Variants in COG6 observed in about 807,000 individuals in gnomAD.
The protein encoded by COG6 is component of oligomeric golgi complex 6.
In COG6, 74 loss-of-function variants were observed where a neutral mutation model predicts 88.8. The ratio of observed to expected loss-of-function variants is 0.83; its 90% CI spans 0.69 to 1.01. The LOEUF is 1.01. Among genes scored for constraint, COG6 ranks in the 50% least tolerant of loss-of-function variants. COG6 has a pLI of 0.00. For synonymous variants in COG6, 286 were observed against 278.7 expected (o/e 1.03, Z -0.26); for missense variants, 800 against 797.9 (o/e 1.00, Z -0.03).
chr13:39,658,720 A>G (rs1874692485), intron 1 of COG6, among the ~76,000 whole-genome samples: 1 of 152,110 alleles, frequency 6.6e-6, no homozygotes. Flanking sequence ...CTGTCTGTGG[A>G]AGGCTTTGTC....
intron 12 of COG6, among the ~76,000 whole-genome samples, chr13:39,698,187 A>C (rs1464631902): frequency 1.3e-5 from 2 of 151,952 alleles, no homozygotes; most frequent in Non-Finnish European, 2.9e-5. Flanking sequence ...ATTAAAAAAA[A>C]AAATGAATGT....
At chr13:39,657,052 CAG>C (rs1321216027) in intron 1 of COG6, among the ~76,000 whole-genome samples, 4 of 152,094 alleles carry the variant, frequency 2.6e-5, no homozygotes, top group Admixed American at 2.6e-4. Flanking sequence ...CTTTTTTGGA[CAG>C]AGTTTTGCTC....
Position 39,752,131 on chromosome 13 carries a change from T to A in COG6, c.*1038T>A. On this transcript the variant is annotated 3_prime_UTR_variant, in exon 19 of 19. Transcript: ENST00000455146. ...AGGAATAAATCCCAGTGTGCCTGAT[T>A]TGACATTCTTGTCAGCAAAAAAAAA... is the stretch of plus-strand genomic sequence containing the variant. 8.1e-7 allele frequency: 1 copy of A among 1,239,372 alleles called. No individual in the cohort carries two copies. Among genetic ancestry groups the A allele is most frequent in the Non-Finnish European group, 1.0e-6 (1 of 963,726 alleles). The allele number at this position is 1,239,372 out of a possible 1,614,324, so 76.8% of individuals were successfully genotyped here.
chr13:39,687,821 C>G lies in COG6; in HGVS notation c.1009+22C>G, dbSNP rs369081716. Reference sequence around the variant, plus strand: ...CAAGGTGGGTCCACCAATTGTATTGCTAATGCCTAAATATAGAAAATAACA... The same window carrying G: ...CAAGGTGGGTCCACCAATTGTATTGGTAATGCCTAAATATAGAAAATAACA... On this transcript the variant is annotated intron_variant, in intron 10 of 18. Transcript: ENST00000455146. 4.7e-6 allele frequency: 7 copies of G among 1,473,812 alleles called. No homozygotes were observed. In the African/African-American group the frequency reaches 5.6e-5, roughly 12 times the overall value. 91.3% of individuals were successfully genotyped at this position (1,473,812 alleles called of 1,614,324 possible). A position where few individuals can be genotyped will look rare whatever the true frequency, so the allele number is the denominator to read the frequency against.
chr13:39,691,791 A>G (rs979741688), intron 11 of COG6, among the ~76,000 whole-genome samples: 4 of 151,866 alleles, frequency 2.6e-5, no homozygotes, highest in Non-Finnish European at 5.9e-5. Flanking sequence ...TAATTCTGAA[A>G]TTTTCTAGTG....
At chr13:39,691,269 C>A (rs1210590768) in intron 11 of COG6, among the ~76,000 whole-genome samples, 1 of 151,808 alleles carries the variant, frequency 6.6e-6, no homozygotes, top group African/African-American at 2.4e-5. Context: ...ACTAATCCAG[C>A]CACTTGTATA....
At chr13:39,762,191 A>G (rs1881036619) in intron 18 of COG6, among the ~76,000 whole-genome samples, 1 of 151,974 alleles carries the variant, frequency 6.6e-6, no homozygotes, top group South Asian at 2.1e-4. Context: ...CATAAAAAAT[A>G]ACAAAATTAT....
At chr13:39,670,688 A>G (rs542657930) in intron 4 of COG6, among the ~76,000 whole-genome samples, 2 of 152,154 alleles carry the variant, frequency 1.3e-5, no homozygotes, top group South Asian at 4.1e-4. Context: ...AAAGAAATCT[A>G]TGTCACTCAT....
chr13:39,682,743 A>G (rs745526525), intron 8 of COG6, among the ~76,000 whole-genome samples: 106 of 152,096 alleles, frequency 7.0e-4, no homozygotes, highest in Non-Finnish European at 1.4e-3. Flanking sequence ...AACAAGAGCT[A>G]TGTGGTAATG....
In COG6 at chr13:39,665,146, A is replaced by G. The variant is rs763877999; in HGVS notation, c.420A>G (p.Gln140=). Residue 140 remains glutamine (Q), a synonymous_variant, in exon 4 of 19, where the codon CAA becomes CAG. Coordinates refer to ENST00000455146, the MANE Select transcript of COG6 (RefSeq NM_020751.3). ...TAATAGTAAAAACCACTAAGCTTCAATCTGAAAGGTAAGTTTTTCTTCATA... is the reference window on the plus strand; with the variant it reads ...TAATAGTAAAAACCACTAAGCTTCAGTCTGAAAGGTAAGTTTTTCTTCATA... ...QDLIVKTTKL[Q]SESQKLEIRA... 2 of 1,533,644 alleles carry G rather than the reference A, an allele frequency of 1.3e-6. No homozygotes were observed. The highest frequency in any genetic ancestry group is 1.1e-5 in the South Asian group (1 of 88,830).
chr13:39,688,627 G>A (rs922787487), intron 10 of COG6, among the ~76,000 whole-genome samples: 2 of 151,988 alleles, frequency 1.3e-5, no homozygotes, highest in African/African-American at 4.8e-5. Context: ...CCGACATTGG[G>A]GATTACATTT....
chr13:39,683,475 A>G (rs1185498036), intron 8 of COG6, among the ~76,000 whole-genome samples: 1 of 152,212 alleles, frequency 6.6e-6, no homozygotes, highest in Non-Finnish European at 1.5e-5. Flanking sequence ...AATTAATTGT[A>G]AAAGCTTGCA....
chr13:39,707,759 T>TTA (rs1392498369), intron 13 of COG6, among the ~76,000 whole-genome samples: 3 of 152,182 alleles, frequency 2.0e-5, no homozygotes, highest in Non-Finnish European at 4.4e-5. Flanking sequence ...AGTAATTTCA[T>TTA]TATATATATT....
At chr13:39,761,598 C>A (rs755624730) in intron 18 of COG6, among the ~76,000 whole-genome samples, 1 of 151,740 alleles carries the variant, frequency 6.6e-6, no homozygotes, top group African/African-American at 2.4e-5. Flanking sequence ...GAAGAGACAA[C>A]CTTCAGAAGA....
chr13:39,691,775 C>T (rs916916917), intron 11 of COG6, among the ~76,000 whole-genome samples: 1 of 151,640 alleles, frequency 6.6e-6, no homozygotes, highest in Admixed American at 6.6e-5. Context: ...TTTTTTTTTG[C>T]AATTATAATT....
chr13:39,661,454 G>A (rs943340270), intron 3 of COG6, among the ~76,000 whole-genome samples: 17 of 152,102 alleles, frequency 1.1e-4, no homozygotes, highest in Non-Finnish European at 2.2e-4. Context: ...TTTTAACAGC[G>A]AATTTATATC....
At chr13:39,684,043 A>T (rs1876478856) in intron 8 of COG6, among the ~76,000 whole-genome samples, 1 of 152,124 alleles carries the variant, frequency 6.6e-6, no homozygotes. Context: ...TGCTTGGTAC[A>T]TCACTAAATT....
rs539968061 is a variant in COG6 at position 39,750,771 on chromosome 13, A to T, written c.1827-175A>T. Among the ~76,000 whole-genome samples, 8 of 152,330 alleles carry T rather than the reference A, an allele frequency of 5.3e-5. No individual in the cohort carries two copies. In the South Asian group the frequency reaches 1.7e-3, roughly 32 times the overall value. On this transcript the variant is annotated intron_variant, in intron 18 of 18. Transcript: ENST00000455146. ...TTTAATAAATAATGAATACAAAATT[A>T]TATTTTATCCCAAAATTAGGATTAA... is the stretch of plus-strand genomic sequence containing the variant.
chr13:39,679,980 A>G lies in COG6; in HGVS notation c.629A>G (p.Glu210Gly). The change falls in exon 7 of 19, where the codon GAA becomes GGA. Residue 210 changes from glutamate (E) to glycine (G), a missense_variant. Physicochemically the swap from Glu to Gly is moderately conservative, Grantham distance 98. Coordinates refer to ENST00000455146, the MANE Select transcript of COG6 (RefSeq NM_020751.3). ...LRTNQQTAGL[E>G]IMEQMALLQE... ...AATCATTAATTTTTTTTTAGTTTAG[A>G]AATTATGGAACAGATGGCCTTACTT... 1.3e-6 allele frequency: 2 copies of G among 1,537,402 alleles called. No individual in the cohort carries two copies. Among genetic ancestry groups the G allele is most frequent in the Non-Finnish European group, 1.8e-6 (2 of 1,112,898 alleles).
Sources: gnomAD v4.1 joint callset for allele counts (sites outside exome capture counted in the v4.1 genomes callset) on GRCh38, gnomAD v4.1.1 for gene constraint, MANE v1.5 for transcripts, NCBI Gene and HGNC (gene_info 2026-07-23, HGNC 2026-07-21) for gene names.